Variants in MRPS10 observed in about 807,000 individuals in gnomAD.
The protein encoded by MRPS10 is small ribosomal subunit protein uS10m.
In MRPS10, 23 loss-of-function variants were observed where a neutral mutation model predicts 27.5. That is an observed-to-expected ratio of 0.84 (90% CI 0.60 to 1.18). The LOEUF (loss-of-function observed/expected upper bound fraction) is 1.18, where lower values mean the gene tolerates loss of function less well. Among genes scored for constraint, MRPS10 ranks in the 50% most tolerant of loss-of-function variants. The pLI is 0.00. For missense variants in MRPS10, 237 were observed against 240.1 expected (o/e 0.99, Z 0.09); for synonymous variants, 88 against 84.2 (o/e 1.04, Z -0.25).
At chr6:42,210,854 C>G (rs573603474) in intron 4 of MRPS10, among the ~76,000 whole-genome samples, 1 of 152,204 alleles carries the variant, frequency 6.6e-6, no homozygotes, top group Non-Finnish European at 1.5e-5. Context: ...CATACACACA[C>G]ACCTGCTGCT....
At position 42,207,512 on chromosome 6, in the gene MRPS10, G is replaced by C. The variant is rs1768641620; in HGVS notation, c.*777C>G. 6.6e-6 allele frequency: 1 copy of C among 152,210 alleles called. No individual in the cohort carries two copies. The highest frequency in any genetic ancestry group is 2.1e-4 in the South Asian group (1 of 4,828). 9.4% of individuals were successfully genotyped at this position (152,210 alleles called of 1,614,324 possible). A position where few individuals can be genotyped will look rare whatever the true frequency, so the allele number is the denominator to read the frequency against. On this transcript the variant is annotated 3_prime_UTR_variant, in exon 7 of 7. Transcript: ENST00000053468. ...TGGGATTACAGGCGTGAGCCACCGT[G>C]CCTGGCCTGCTTTGTGCGATTTTCA...
Position 42,209,062 on chromosome 6 carries a change from C to T in MRPS10, c.433-115G>A. 2.1e-5 allele frequency: 13 copies of T among 633,420 alleles called. No individual in the cohort carries two copies. The South Asian group carries it at 2.2e-4, about 11-fold the overall frequency. 39.2% of individuals were successfully genotyped at this position (633,420 alleles called of 1,614,324 possible). On this transcript the variant is annotated intron_variant, in intron 5 of 6. Transcript: ENST00000053468. ...TTGCCTGGGCTGGAGTGTGTGCAAT[C>T]TCAGCTCACTGCAACCTCTGCCTCC... is the stretch of plus-strand genomic sequence containing the variant.
intron 3 of MRPS10, 75 bp from the exon 4 acceptor site, chr6:42,211,992 A>G (rs539328571): frequency 2.0e-5 from 27 of 1,369,452 alleles, no homozygotes; most frequent in Admixed American, 4.0e-5. Context: ...CATTAGCCTC[A>G]ATTGAACAAC....
chr6:42,216,448 G>A (rs1448595188), intron 1 of MRPS10, among the ~76,000 whole-genome samples: 3 of 147,190 alleles, frequency 2.0e-5, no homozygotes, highest in Non-Finnish European at 3.0e-5. Context: ...AGGGCTGTCT[G>A]GGTAAATTTG....
At chr6:42,211,339 T>C (rs1287359584) in intron 4 of MRPS10, among the ~76,000 whole-genome samples, 1 of 152,142 alleles carries the variant, frequency 6.6e-6, no homozygotes, top group Non-Finnish European at 1.5e-5. Flanking sequence ...TAGGATAACA[T>C]ATGACAAACT....
Position 42,213,522 on chromosome 6 carries a change from CACAG to C in MRPS10, c.186+594_186+597del, listed in dbSNP as rs201804791. Among the ~76,000 whole-genome samples, 662 of 152,220 alleles carry C rather than the reference CACAG, an allele frequency of 4.3e-3. 8 individuals carry two copies. The highest frequency in any genetic ancestry group is 0.015 in the African/African-American group (625 of 41,518). On this transcript the variant is annotated intron_variant, in intron 3 of 6. Coordinates refer to ENST00000053468, the MANE Select transcript of MRPS10 (RefSeq NM_018141.4). Reference sequence around the variant, plus strand: ...AAAAGAGCAGTAAACTAGACATGTGCACAGACAAAGTGAGTACCTACAGACAAAT... The same window carrying C: ...AAAAGAGCAGTAAACTAGACATGTGCACAAAGTGAGTACCTACAGACAAAT...
At chr6:42,216,381 A>AGTGTGTGTGTGTGTGT (rs1171760790) in intron 1 of MRPS10, among the ~76,000 whole-genome samples, 2 of 31,896 alleles carry the variant, frequency 6.3e-5, no homozygotes, top group Non-Finnish European at 1.8e-4. Flanking sequence ...AGAGAGAGAG[A>AGTGTGTGTGTGTGTGT]GAGAGTGTGT....
intron 1 of MRPS10, among the ~76,000 whole-genome samples, chr6:42,215,436 GT>G (rs1190982764): frequency 6.7e-6 from 1 of 148,942 alleles, no homozygotes; most frequent in Non-Finnish European, 1.5e-5. Context: ...GTTTTTGTTT[GT>G]TTTTTCAGGG....
chr6:42,215,432 G>C (rs1046861749), intron 1 of MRPS10, among the ~76,000 whole-genome samples: 1 of 148,016 alleles, frequency 6.8e-6, no homozygotes, highest in Non-Finnish European at 1.5e-5. Flanking sequence ...GTACGTTTTT[G>C]TTTGTTTTTT....
Position 42,207,854 on chromosome 6 carries a change from A to G in MRPS10, c.*435T>C, listed in dbSNP as rs539495080. The stretch of plus-strand genomic sequence containing the variant: ...AGCATATGCCAGCCTGCACAAAGGT[A>G]AATAGCAAAAACTTTAACTGCTCAA... On this transcript the variant is annotated 3_prime_UTR_variant, in exon 7 of 7. Coordinates refer to ENST00000053468, the MANE Select transcript of MRPS10 (RefSeq NM_018141.4). 5.5e-4 allele frequency: 99 copies of G among 179,134 alleles called. 1 individual carries two copies. The highest frequency in any genetic ancestry group is 8.9e-4 in the Non-Finnish European group (77 of 86,896). 11.1% of individuals were successfully genotyped at this position (179,134 alleles called of 1,614,324 possible). A position where few individuals can be genotyped will look rare whatever the true frequency, so the allele number is the denominator to read the frequency against.
intron 1 of MRPS10, 81 bp downstream of exon 1, chr6:42,217,721 T>A: frequency 1.4e-6 from 2 of 1,464,670 alleles, no homozygotes; most frequent in Non-Finnish European, 9.5e-7. Context: ...AAAATCCTGA[T>A]GGGCAGAGCG....
At chr6:42,217,191 G>A (rs1489693293) in intron 1 of MRPS10, among the ~76,000 whole-genome samples, 1 of 152,110 alleles carries the variant, frequency 6.6e-6, no homozygotes, top group Admixed American at 6.6e-5. Flanking sequence ...ATATTCTTAA[G>A]TTTTATTTTC....
chr6:42,217,350 G>A (rs1768971187), intron 1 of MRPS10, among the ~76,000 whole-genome samples: 3 of 152,130 alleles, frequency 2.0e-5, no homozygotes, highest in African/African-American at 4.8e-5. Flanking sequence ...ACTGCGCAGA[G>A]GATATCTAAC....
chr6:42,216,992 G>A (rs1394429361), intron 1 of MRPS10, among the ~76,000 whole-genome samples: 2 of 152,166 alleles, frequency 1.3e-5, no homozygotes, highest in African/African-American at 4.8e-5. Context: ...GTGACAGCCT[G>A]AGGTGTGATA....
chr6:42,215,174 T>A lies in MRPS10; in HGVS notation c.49-830A>T, dbSNP rs6458275. 7.7e-4 allele frequency among the ~76,000 whole-genome samples: 117 copies of A among 151,526 alleles called. 1 individual carries two copies. Among genetic ancestry groups the A allele is most frequent in the African/African-American group, 2.7e-3 (113 of 41,316 alleles). Reference sequence around the variant, plus strand: ...GAGGCCAAGGTGGGTGGATCACTTGTAGTCAGGAGTTCCAGAGCAGCCTGG... The same window carrying A: ...GAGGCCAAGGTGGGTGGATCACTTGAAGTCAGGAGTTCCAGAGCAGCCTGG... On this transcript the variant is annotated intron_variant, in intron 1 of 6. Transcript: ENST00000053468.
At chr6:42,212,028 G>GA in intron 3 of MRPS10, 111 bp from the exon 4 acceptor site, 1 of 943,808 alleles carries the variant, frequency 1.1e-6, no homozygotes. Context: ...TAAATGAGGA[G>GA]AAAAACACTG....
chr6:42,214,380 A>G, intron 1 of MRPS10, 36 bp from the exon 2 acceptor site: 2 of 1,456,576 alleles, frequency 1.4e-6, no homozygotes, highest in Middle Eastern at 1.8e-4. Context: ...TGTTAGAATT[A>G]AAGTCAACTA....
chr6:42,213,166 T>G (rs375018724), intron 3 of MRPS10, among the ~76,000 whole-genome samples: 22 of 152,348 alleles, frequency 1.4e-4, no homozygotes, highest in East Asian at 9.6e-4. Flanking sequence ...CATCCAGTAC[T>G]GGCCAGGTGT....
rs746687007 is a variant in MRPS10, at chr6:42,208,241, T to C, written c.*48A>G. Reference sequence around the variant, plus strand: ...CACTCTCCACTTAAACATACTCATCTGGCCCACCCTCATTTCAAATTTAGG... The same window carrying C: ...CACTCTCCACTTAAACATACTCATCCGGCCCACCCTCATTTCAAATTTAGG... On this transcript the variant is annotated 3_prime_UTR_variant, in exon 7 of 7. Transcript: ENST00000053468. 2.9e-6 allele frequency: 4 copies of C among 1,367,430 alleles called. No individual in the cohort carries two copies. In the African/African-American group the frequency reaches 4.3e-5, roughly 15 times the overall value. The allele number at this position is 1,367,430 out of a possible 1,614,324, so 84.7% of individuals were successfully genotyped here. A position where few individuals can be genotyped will look rare whatever the true frequency, so the allele number is the denominator to read the frequency against.
Sources: allele counts gnomAD v4.1 joint callset (sites outside exome capture counted in the v4.1 genomes callset), GRCh38; gene constraint gnomAD v4.1.1; transcripts MANE v1.5; gene names NCBI Gene and HGNC (gene_info 2026-07-23, HGNC 2026-07-21).